The following FAM222B variants were observed in gnomAD, a reference collection of about 807,000 sequenced individuals.
The protein encoded by FAM222B is protein FAM222B.
Under a neutral mutation model 38.0 loss-of-function variants are expected in FAM222B, and 12 were observed. The observed-to-expected ratio is 0.32, with a 90% confidence interval of 0.20 to 0.51. The LOEUF is 0.51. Among genes scored for constraint, FAM222B ranks in the 20% least tolerant of loss-of-function variants. FAM222B has a pLI of 0.97. For missense variants in FAM222B, 716 were observed against 754.2 expected (o/e 0.95, Z 0.59); for synonymous variants, 329 against 317.2 (o/e 1.04, Z -0.40).
In FAM222B at chr17:28,831,963, G is replaced by T. The variant is rs180814543; in HGVS notation, c.-41+10719C>A. On this transcript the variant is annotated intron_variant, in intron 1 of 2. Coordinates refer to ENST00000581407, the MANE Select transcript of FAM222B (RefSeq NM_001077498.3). ...CCAGCACTTTGGGAGGCCGAGGAGGGCAGATCACAAGGTGATGAGATCGAG... is the reference window on the plus strand; with the variant it reads ...CCAGCACTTTGGGAGGCCGAGGAGGTCAGATCACAAGGTGATGAGATCGAG... Among the ~76,000 whole-genome samples the T allele has an allele frequency of 9.8e-5, 15 of 152,304 alleles. 1 individual carries two copies. Among genetic ancestry groups the T allele is most frequent in the Middle Eastern group, 3.4e-3 (1 of 294 alleles).
chr17:28,768,836 CAAAAAAAAAA>C (rs71359249), intron 1 of FAM222B, among the ~76,000 whole-genome samples: 31 of 70,888 alleles, frequency 4.4e-4, no homozygotes, highest in African/African-American at 1.5e-3. Context: ...AACTCTGTCT[CAAAAAAAAAA>C]AAAAAAAAAA....
At chr17:28,775,884 A>C (rs1197110835) in intron 1 of FAM222B, among the ~76,000 whole-genome samples, 1 of 151,010 alleles carries the variant, frequency 6.6e-6, no homozygotes, top group African/African-American at 2.4e-5. Flanking sequence ...CCATCTCCAA[A>C]AAAAAAAACA....
chr17:28,829,320 C>T lies in FAM222B; in HGVS notation c.-41+13362G>A, dbSNP rs1262268925. ...ACCTCCGCCTCCCGGGTTCAAGCTGCGCCACCACGCCCAGCTAATTTTGTA... is the reference window on the plus strand; with the variant it reads ...ACCTCCGCCTCCCGGGTTCAAGCTGTGCCACCACGCCCAGCTAATTTTGTA... On this transcript the variant is annotated intron_variant, in intron 1 of 2. Transcript: ENST00000581407. Among the ~76,000 whole-genome samples, 4 of 151,774 alleles carry T rather than the reference C, an allele frequency of 2.6e-5. No homozygotes were observed. In the East Asian group the frequency reaches 7.7e-4, roughly 29 times the overall value.
intron 1 of FAM222B, among the ~76,000 whole-genome samples, chr17:28,800,856 A>G (rs2037184117): frequency 6.7e-6 from 1 of 150,068 alleles, no homozygotes; most frequent in African/African-American, 2.4e-5. Context: ...TTTTGTTGAA[A>G]AAAAAAAAAA....
Position 28,758,039 on chromosome 17 carries a change from A to C in FAM222B, c.*231T>G. ...AGACTAGCTGACAGGCAGTCAGTGGAGAGAAAAGCCTGGGCTTAGGGTTAG... is the reference window on the plus strand; with the variant it reads ...AGACTAGCTGACAGGCAGTCAGTGGCGAGAAAAGCCTGGGCTTAGGGTTAG... On this transcript the variant is annotated 3_prime_UTR_variant, in exon 3 of 3. Coordinates refer to ENST00000581407, the MANE Select transcript of FAM222B (RefSeq NM_001077498.3). 2.3e-6 allele frequency: 1 copy of C among 437,254 alleles called. No individual in the cohort carries two copies. The highest frequency in any genetic ancestry group is 4.1e-6 in the Non-Finnish European group (1 of 246,872). The allele number at this position is 437,254 out of a possible 1,614,324, so 27.1% of individuals were successfully genotyped here.
chr17:28,803,835 A>G (rs1459015288), intron 1 of FAM222B, among the ~76,000 whole-genome samples: 1 of 151,992 alleles, frequency 6.6e-6, no homozygotes, highest in African/African-American at 2.4e-5. Context: ...CAAAAAAATT[A>G]GCTGGGTGTG....
chr17:28,775,630 C>T (rs1190684247), intron 1 of FAM222B, among the ~76,000 whole-genome samples: 4 of 151,730 alleles, frequency 2.6e-5, no homozygotes, highest in African/African-American at 9.7e-5. Context: ...CTGGAATCCC[C>T]AGCACTTCGG....
At chr17:28,762,021 G>C (rs72847573) in intron 2 of FAM222B, 2 of 152,268 alleles carry the variant, frequency 1.3e-5, no homozygotes, top group Non-Finnish European at 2.9e-5. Context: ...TTCCAAGTTA[G>C]TACCAACTCT....
At chr17:28,796,589 G>T (rs752306081) in intron 1 of FAM222B, among the ~76,000 whole-genome samples, 1 of 152,136 alleles carries the variant, frequency 6.6e-6, no homozygotes, top group Non-Finnish European at 1.5e-5. Flanking sequence ...GTGTGTAGTA[G>T]TAAGAAGAGA....
intron 1 of FAM222B, among the ~76,000 whole-genome samples, chr17:28,798,251 G>A (rs774795681): frequency 1.3e-5 from 2 of 151,950 alleles, no homozygotes; most frequent in Non-Finnish European, 2.9e-5. Flanking sequence ...GTGTGATGGC[G>A]TGCACCTACA....
chr17:28,841,397 C>A, intron 1 of FAM222B, among the ~76,000 whole-genome samples: 1 of 152,190 alleles, frequency 6.6e-6, no homozygotes, highest in Non-Finnish European at 1.5e-5. Context: ...TTTTTCCAGA[C>A]GGAGTCTCGC....
chr17:28,770,428 TCAGA>T (rs2035568980), intron 1 of FAM222B, among the ~76,000 whole-genome samples: 1 of 152,156 alleles, frequency 6.6e-6, no homozygotes, highest in Admixed American at 6.6e-5. Context: ...TCCTTTTTCT[TCAGA>T]CAGCCTATCA....
intron 1 of FAM222B, among the ~76,000 whole-genome samples, chr17:28,823,289 T>TG (rs1181808215): frequency 1.3e-5 from 2 of 152,210 alleles, no homozygotes; most frequent in African/African-American, 4.8e-5. Context: ...ATCCCTAGGT[T>TG]GTCAAATCCT....
At chr17:28,802,196 C>G (rs2037267726) in intron 1 of FAM222B, among the ~76,000 whole-genome samples, 1 of 151,704 alleles carries the variant, frequency 6.6e-6, no homozygotes, top group South Asian at 2.1e-4. Context: ...CTCCCAGGTT[C>G]AAGCAATTCT....
At chr17:28,791,974 T>C (rs1373578537) in intron 1 of FAM222B, among the ~76,000 whole-genome samples, 1 of 151,166 alleles carries the variant, frequency 6.6e-6, no homozygotes, top group Non-Finnish European at 1.5e-5. Context: ...CCCAGGAATT[T>C]GAGACCACCC....
intron 1 of FAM222B, among the ~76,000 whole-genome samples, chr17:28,796,025 A>T (rs1176934309): frequency 6.6e-6 from 1 of 152,198 alleles, no homozygotes; most frequent in African/African-American, 2.4e-5. Context: ...TGTGAGATGG[A>T]CTTTTCAATG....
In FAM222B at chr17:28,762,442, A is replaced by G. The variant is rs551561155; in HGVS notation, c.83-2566T>C. Among the ~76,000 whole-genome samples, 335 of 151,368 alleles carry G rather than the reference A, an allele frequency of 2.2e-3. 1 individual carries two copies. Among genetic ancestry groups the G allele is most frequent in the South Asian group, 0.017 (82 of 4,796 alleles). On this transcript the variant is annotated intron_variant, in intron 2 of 2. Coordinates refer to ENST00000581407, the MANE Select transcript of FAM222B (RefSeq NM_001077498.3). ...GGAGTTCAAGACCAGCCTGCCCAGCATGGTGAAACCCTGTCTCTACTAAAA... is the reference window on the plus strand; with the variant it reads ...GGAGTTCAAGACCAGCCTGCCCAGCGTGGTGAAACCCTGTCTCTACTAAAA...
At chr17:28,771,468 T>G (rs2035630179) in intron 1 of FAM222B, among the ~76,000 whole-genome samples, 1 of 151,552 alleles carries the variant, frequency 6.6e-6, no homozygotes, top group Non-Finnish European at 1.5e-5. Flanking sequence ...GATCACAAGG[T>G]CAGGAGTTTG....
At chr17:28,799,992 T>C (rs917467170) in intron 1 of FAM222B, among the ~76,000 whole-genome samples, 4 of 151,970 alleles carry the variant, frequency 2.6e-5, no homozygotes, top group Non-Finnish European at 5.9e-5. Flanking sequence ...AACTATGACT[T>C]TGATAAAGAC....
Sources: allele counts gnomAD v4.1 joint callset (sites outside exome capture counted in the v4.1 genomes callset), GRCh38; gene constraint gnomAD v4.1.1; transcripts MANE v1.5; gene names NCBI Gene and HGNC (gene_info 2026-07-23, HGNC 2026-07-21).